The following PABPC1L variants were observed in gnomAD, a reference collection of about 807,000 sequenced individuals.
PABPC1L encodes the protein poly(A) binding protein cytoplasmic 1 like.
Under a neutral mutation model 66.6 loss-of-function variants are expected in PABPC1L, and 31 were observed. The observed-to-expected ratio is 0.47, with a 90% confidence interval of 0.35 to 0.63. The LOEUF (loss-of-function observed/expected upper bound fraction) is 0.63, where lower values mean the gene tolerates loss of function less well. Ranked by LOEUF, PABPC1L falls within the 20% of genes least tolerant of loss-of-function variation. The pLI is 0.00. For missense variants in PABPC1L, 722 were observed against 848.8 expected (o/e 0.85, Z 1.86); for synonymous variants, 348 against 335.1 (o/e 1.04, Z -0.42).
intron 9 of PABPC1L, 97 bp from the exon 10 acceptor site, chr20:44,932,960 C>A: frequency 1.4e-6 from 1 of 722,752 alleles, no homozygotes; most frequent in Admixed American, 2.6e-5. Context: ...TTCCCATTCT[C>A]TTGGTGGCCC....
At chr20:44,932,235 C>T (rs1362444989) in intron 8 of PABPC1L, 107 bp from the exon 9 acceptor site, 3 of 770,220 alleles carry the variant, frequency 3.9e-6, no homozygotes, top group South Asian at 2.2e-5. Flanking sequence ...ACTCACCAGT[C>T]CCTGCAGGAG....
At chr20:44,922,075 C>T (rs1053135776) in intron 6 of PABPC1L, among the ~76,000 whole-genome samples, 1 of 152,064 alleles carries the variant, frequency 6.6e-6, no homozygotes, top group African/African-American at 2.4e-5. Context: ...GCCAGATGCC[C>T]CTAGAGGAAA....
intron 13 of PABPC1L, 24 bp from the exon 14 acceptor site, chr20:44,938,650 C>G (rs201683693): frequency 7.6e-6 from 12 of 1,588,668 alleles, no homozygotes; most frequent in African/African-American, 4.0e-5. Context: ...TGCACTAAGC[C>G]CCCCCGCCAC....
intron 7 of PABPC1L, among the ~76,000 whole-genome samples, chr20:44,927,862 T>C (rs949221122): frequency 2.0e-5 from 3 of 151,626 alleles, no homozygotes; most frequent in Non-Finnish European, 4.4e-5. Context: ...TAATTATTTT[T>C]TATATTACCC....
rs757513310 is a variant in PABPC1L at position 44,910,233 on chromosome 20, G to A, written c.90G>A (p.Lys30=). The A allele has an allele frequency of 1.7e-5, 26 of 1,572,450 alleles. No individual in the cohort carries two copies. The highest frequency in any genetic ancestry group is 2.0e-5 in the Non-Finnish European group (23 of 1,159,216). ...TGACCGAGGCCATGCTCTATGAGAA[G>A]TTCTCTCCCGCCGGCCCCATCCTGT... ...PDVTEAMLYE[K]FSPAGPILSI... Residue 30 remains lysine, a synonymous_variant, in exon 1 of 15, where the codon AAG becomes AAA. Transcript: ENST00000217073.
chr20:44,913,514 G>C (rs2066718344), intron 2 of PABPC1L, among the ~76,000 whole-genome samples: 1 of 151,938 alleles, frequency 6.6e-6, no homozygotes, highest in African/African-American at 2.4e-5. Flanking sequence ...CAAGCCTCCT[G>C]AGTTCAAACG....
chr20:44,914,669 G>C (rs1306347307), intron 2 of PABPC1L, among the ~76,000 whole-genome samples: 6 of 152,330 alleles, frequency 3.9e-5, no homozygotes, highest in Middle Eastern at 3.4e-3. Context: ...CTGTGACAGA[G>C]AGACGGGGCT....
In PABPC1L at chr20:44,930,637, C is replaced by G. The variant is rs774780363; in HGVS notation, c.1150C>G (p.Gln384Glu). The G allele has an allele frequency of 6.2e-7, 1 of 1,614,124 alleles. No homozygotes were observed. Among genetic ancestry groups the G allele is most frequent in the East Asian group, 2.2e-5 (1 of 44,888 alleles). ...GGCCATCTTGACCAACCAGTACATG[C>G]AGCGCCTCTCCACCATGCGGACCCT... ...RKAILTNQYM[Q>E]RLSTMRTLSN... The change falls in exon 8 of 15, where the codon CAG becomes GAG. Residue 384 changes from glutamine to glutamate, a missense_variant. Coordinates refer to ENST00000217073, the MANE Select transcript of PABPC1L (RefSeq NM_001372179.1).
chr20:44,931,367 G>C (rs2066858649), intron 8 of PABPC1L, among the ~76,000 whole-genome samples: 1 of 151,658 alleles, frequency 6.6e-6, no homozygotes, highest in Non-Finnish European at 1.5e-5. Context: ...TTTAAAGAAG[G>C]GGTCTCGCCA....
At chr20:44,922,518 G>A (rs1471249786) in intron 6 of PABPC1L, among the ~76,000 whole-genome samples, 2 of 152,218 alleles carry the variant, frequency 1.3e-5, no homozygotes, top group Non-Finnish European at 2.9e-5. Flanking sequence ...TTACAGGTGT[G>A]AGCCACTGCG....
At chr20:44,917,260 G>A (rs1414878075) in intron 3 of PABPC1L, among the ~76,000 whole-genome samples, 2 of 152,034 alleles carry the variant, frequency 1.3e-5, no homozygotes, top group African/African-American at 4.8e-5. Context: ...ACAGCTCACT[G>A]CAGCCTTGAC....
At chr20:44,912,576 C>G in intron 1 of PABPC1L, 84 bp from the exon 2 acceptor site, 2 of 1,192,420 alleles carry the variant, frequency 1.7e-6, no homozygotes, top group Non-Finnish European at 2.3e-6. Context: ...TTATTGGCTC[C>G]CAGTTAAGCA....
At chr20:44,935,105 A>G (rs1461431834) in intron 10 of PABPC1L, among the ~76,000 whole-genome samples, 1 of 152,074 alleles carries the variant, frequency 6.6e-6, no homozygotes, top group Non-Finnish European at 1.5e-5. Context: ...GTTTGTACAA[A>G]TAGCTCTTTG....
chr20:44,935,509 C>A lies in PABPC1L; in HGVS notation c.1566+12C>A. ...ATAGCACCTATCGGGTAAGGCCAGCCCAGCTGCCTGCTCTTAGCCTGGGCT... is the reference window on the plus strand; with the variant it reads ...ATAGCACCTATCGGGTAAGGCCAGCACAGCTGCCTGCTCTTAGCCTGGGCT... On this transcript the variant is annotated intron_variant, in intron 11 of 14. Coordinates refer to ENST00000217073, the MANE Select transcript of PABPC1L (RefSeq NM_001372179.1). The A allele has an allele frequency of 6.2e-7, 1 of 1,611,726 alleles. No homozygotes were observed. Among genetic ancestry groups the A allele is most frequent in the Non-Finnish European group, 8.5e-7 (1 of 1,178,086 alleles).
intron 6 of PABPC1L, among the ~76,000 whole-genome samples, chr20:44,922,516 G>A (rs2066781182): frequency 6.6e-6 from 1 of 152,176 alleles, no homozygotes; most frequent in African/African-American, 2.4e-5. Flanking sequence ...GATTACAGGT[G>A]TGAGCCACTG....
intron 2 of PABPC1L, among the ~76,000 whole-genome samples, chr20:44,915,125 C>A (rs2088157108): frequency 6.6e-6 from 1 of 152,192 alleles, no homozygotes; most frequent in African/African-American, 2.4e-5. Context: ...GGTTTGGAAG[C>A]AAGATCTGTT....
At chr20:44,910,392 G>C in intron 1 of PABPC1L, 56 bp downstream of exon 1, 1 of 1,436,714 alleles carries the variant, frequency 7.0e-7, no homozygotes, top group Non-Finnish European at 9.2e-7. Flanking sequence ...CAGGCGGACA[G>C]ACAGAAGCCG....
intron 7 of PABPC1L, among the ~76,000 whole-genome samples, chr20:44,924,546 C>A (rs2066795725): frequency 6.6e-6 from 1 of 152,224 alleles, no homozygotes; most frequent in South Asian, 2.1e-4. Context: ...TCCAGAAATT[C>A]ATATCTTAGT....
At chr20:44,937,360 T>G (rs984170866) in intron 12 of PABPC1L, among the ~76,000 whole-genome samples, 1 of 151,688 alleles carries the variant, frequency 6.6e-6, no homozygotes, top group Non-Finnish European at 1.5e-5. Flanking sequence ...ACTGCCCCAT[T>G]GTTTCCTCAG....
Sources: allele counts gnomAD v4.1 joint callset (sites outside exome capture counted in the v4.1 genomes callset), GRCh38; gene constraint gnomAD v4.1.1; transcripts MANE v1.5; gene names NCBI Gene and HGNC (gene_info 2026-07-23, HGNC 2026-07-21).